The following COBLL1 variants were observed in gnomAD, a reference collection of about 807,000 sequenced individuals.
COBLL1 encodes cordon-bleu protein-like 1.
A neutral mutation model predicts 94.8 loss-of-function variants in COBLL1; 50 were observed. The observed-to-expected ratio is 0.53, with a 90% CI of 0.42 to 0.67. The LOEUF (loss-of-function observed/expected upper bound fraction) is 0.67, where lower values mean the gene tolerates loss of function less well. Among genes scored for constraint, COBLL1 ranks in the 30% least tolerant of loss-of-function variants. COBLL1 has a pLI of 0.00. For missense variants in COBLL1, 1,362 were observed against 1,348.7 expected (o/e 1.01, Z -0.15); for synonymous variants, 448 against 473.8 (o/e 0.95, Z 0.71).
At chr2:164,841,921 G>A, upstream of COBLL1, 2 of 1,483,974 alleles carry the variant, frequency 1.3e-6, no homozygotes, top group African/African-American at 1.4e-5. The surrounding 1 kb of genome is among the most constrained non-coding windows in gnomAD (Gnocchi z 5.5). Context: ...CTGGCTGGGC[G>A]CTGGGGGCCT....
intron 1 of COBLL1, among the ~76,000 whole-genome samples, chr2:164,668,637 C>T (rs6723985): frequency 0.1 from 15,548 of 152,214 alleles, 975 homozygotes; most frequent in African/African-American, 0.18. Context: ...ATCCAATGTT[C>T]GTGAAGTGCA....
At chr2:164,798,388 T>C (rs2105312535) in intron 2 of COBLL1, among the ~76,000 whole-genome samples, 1 of 152,326 alleles carries the variant, frequency 6.6e-6, no homozygotes, top group South Asian at 2.1e-4. Flanking sequence ...TCAAACCTAG[T>C]TATGTAGATA....
chr2:164,812,788 T>G (rs1338838248), intron 2 of COBLL1, among the ~76,000 whole-genome samples: 1 of 152,124 alleles, frequency 6.6e-6, no homozygotes, highest in Non-Finnish European at 1.5e-5. Context: ...AACCCTGATT[T>G]TAGTTTTAAA....
chr2:164,823,285 G>A (rs1024417720), intron 2 of COBLL1, among the ~76,000 whole-genome samples: 4 of 152,210 alleles, frequency 2.6e-5, no homozygotes, highest in South Asian at 2.1e-4. Context: ...AGTATCTGAC[G>A]CATTGTTTAT....
At chr2:164,718,265 G>A in intron 7 of COBLL1, 1 of 984,296 alleles carries the variant, frequency 1.0e-6, no homozygotes, top group Non-Finnish European at 1.2e-6. Context: ...AAAAGAAAAA[G>A]GTAAAATTTA....
At chr2:164,704,866 C>A in intron 8 of COBLL1, 86 bp downstream of exon 8, 1 of 1,313,330 alleles carries the variant, frequency 7.6e-7, no homozygotes, top group East Asian at 2.5e-5. Context: ...ATTTAAAAAG[C>A]ATAACTTACA....
At chr2:164,792,743 A>G (rs936415813) in intron 2 of COBLL1, among the ~76,000 whole-genome samples, 1 of 152,190 alleles carries the variant, frequency 6.6e-6, no homozygotes, top group Admixed American at 6.5e-5. Flanking sequence ...TCAATTTTGT[A>G]TGTATGCTTT....
intron 2 of COBLL1, among the ~76,000 whole-genome samples, chr2:164,663,194 C>G (rs1691098997): frequency 6.6e-6 from 1 of 152,156 alleles, no homozygotes; most frequent in African/African-American, 2.4e-5. Context: ...AAATTTCTTT[C>G]TTCAATGCAC....
chr2:164,816,813 T>A (rs571711081), intron 2 of COBLL1, among the ~76,000 whole-genome samples: 1 of 152,234 alleles, frequency 6.6e-6, no homozygotes, highest in African/African-American at 2.4e-5. Context: ...ACAGATATCA[T>A]CTGGTGGATG....
intron 3 of COBLL1, among the ~76,000 whole-genome samples, chr2:164,732,395 G>A (rs181734356): frequency 1.3e-5 from 2 of 152,274 alleles, no homozygotes; most frequent in Non-Finnish European, 2.9e-5. Flanking sequence ...AAATGGTCTT[G>A]TGGAAGTTGA....
At chr2:164,754,834 C>T (rs1053484293) in intron 2 of COBLL1, among the ~76,000 whole-genome samples, 1 of 152,196 alleles carries the variant, frequency 6.6e-6, no homozygotes, top group African/African-American at 2.4e-5. Flanking sequence ...TGATCTATCA[C>T]ACCCATCTCT....
At chr2:164,675,908 C>A (rs1341839322), downstream of COBLL1, among the ~76,000 whole-genome samples, 1 of 152,252 alleles carries the variant, frequency 6.6e-6, no homozygotes, top group East Asian at 1.9e-4. Context: ...ATATGGTGAA[C>A]TGTGACAGCA....
chr2:164,718,306 A>G (rs1311086954), intron 7 of COBLL1: 3 of 931,100 alleles, frequency 3.2e-6, no homozygotes, highest in Non-Finnish European at 3.8e-6. Flanking sequence ...CCATAATACA[A>G]CCCTAAAGTT....
At chr2:164,717,314 T>C (rs1028274975) in intron 7 of COBLL1, among the ~76,000 whole-genome samples, 13 of 152,206 alleles carry the variant, frequency 8.5e-5, no homozygotes, top group African/African-American at 2.7e-4. Context: ...CCAAGTTATG[T>C]TTTCCTCAAC....
chr2:164,783,127 C>G (rs1688789190), intron 2 of COBLL1, among the ~76,000 whole-genome samples: 1 of 152,142 alleles, frequency 6.6e-6, no homozygotes, highest in Non-Finnish European at 1.5e-5. Flanking sequence ...GAAGGACAGG[C>G]ATGGTGGCTC....
intron 2 of COBLL1, among the ~76,000 whole-genome samples, chr2:164,803,271 A>C (rs1460184147): frequency 2.6e-5 from 4 of 152,224 alleles, no homozygotes; most frequent in Non-Finnish European, 4.4e-5. Flanking sequence ...ACAAGATTTA[A>C]AAAGCAAAGT....
At chr2:164,679,162 C>T (rs1452684665), downstream of COBLL1, among the ~76,000 whole-genome samples, 1 of 152,096 alleles carries the variant, frequency 6.6e-6, no homozygotes, top group African/African-American at 2.4e-5. Context: ...TGTCTGTCTC[C>T]TCTGACTTTG....
At chr2:164,693,469 G>A (rs925848706) in intron 12 of COBLL1, among the ~76,000 whole-genome samples, 1 of 152,024 alleles carries the variant, frequency 6.6e-6, no homozygotes, top group African/African-American at 2.4e-5. Context: ...AACACTATCA[G>A]AGTAAGAGTA....
At chr2:164,769,597 G>A (rs1421725615) in intron 2 of COBLL1, among the ~76,000 whole-genome samples, 1 of 152,152 alleles carries the variant, frequency 6.6e-6, no homozygotes, top group African/African-American at 2.4e-5. Flanking sequence ...GGTGGCTCAC[G>A]CCTGTAACCC....
Sources: allele counts gnomAD v4.1 joint callset (sites outside exome capture counted in the v4.1 genomes callset), GRCh38; gene constraint gnomAD v4.1.1; non-coding constraint Gnocchi (gnomAD v3.1); transcripts MANE v1.5; gene names NCBI Gene and HGNC (gene_info 2026-07-23, HGNC 2026-07-21).